PITPNM3: variants seen among roughly 807,000 people sequenced by gnomAD.
PITPNM3 encodes PITPNM family member 3.
A neutral mutation model predicts 102.0 loss-of-function variants in PITPNM3; 26 were observed. That is an observed-to-expected ratio of 0.25 (90% CI 0.19 to 0.35). PITPNM3 has a LOEUF of 0.35. Among genes scored for constraint, PITPNM3 ranks in the 10% least tolerant of loss-of-function variants. The pLI, the probability that PITPNM3 is intolerant of heterozygous loss-of-function variation, is 1.00. For missense variants in PITPNM3, 1,083 were observed against 1,346.1 expected, an observed-to-expected ratio of 0.80 and a Z score of 3.06; for synonymous variants, 578 against 558.6, an observed-to-expected ratio of 1.03 and a Z score of -0.49.
At position 6,548,623 on chromosome 17, in the gene PITPNM3, C is replaced by T. The variant is rs527485202; in HGVS notation, c.22+7762G>A. ...TCAATGGTGCATGAGTGACGGGCAG[C>T]CACAGACACTCAGACTCTCTGAAAG... On this transcript the variant is annotated intron_variant, in intron 1 of 19. Transcript: ENST00000262483. Among the ~76,000 whole-genome samples the T allele has an allele frequency of 2.6e-5, 4 of 152,134 alleles. No homozygotes were observed. In the East Asian group the frequency reaches 7.8e-4, roughly 30 times the overall value.
rs745815225 is a variant in PITPNM3 at position 6,468,144 on chromosome 17, T to C, written c.1890+81A>G. 19 of 1,355,926 alleles carry C rather than the reference T, an allele frequency of 1.4e-5. No homozygotes were observed. The highest frequency in any genetic ancestry group is 2.0e-5 in the Non-Finnish European group (19 of 951,336). 84.0% of individuals were successfully genotyped at this position (1,355,926 alleles called of 1,614,324 possible). ...GACAAATTGAAGCGCTTACCTCCCA[T>C]GTGGATGCCCCAGCCCCCGGGCCAG... On this transcript the variant is annotated intron_variant, in intron 14 of 19. Transcript: ENST00000262483. The surrounding 1 kb of genome is among the most constrained non-coding windows in gnomAD (Gnocchi z 5.2).
chr17:6,464,507 C>T, intron 15 of PITPNM3, 148 bp downstream of exon 15: 2 of 1,061,250 alleles, frequency 1.9e-6, no homozygotes, highest in East Asian at 2.5e-5. Context: ...CTTCCCGGCC[C>T]GCCCAAGCAG....
At chr17:6,485,310 C>T (rs1906020723) in intron 4 of PITPNM3, among the ~76,000 whole-genome samples, 1 of 151,890 alleles carries the variant, frequency 6.6e-6, no homozygotes, top group South Asian at 2.1e-4. Context: ...AGGTGTGTGC[C>T]ACCACACCTG....
chr17:6,457,574 C>T lies in PITPNM3; in HGVS notation c.2619+20G>A, dbSNP rs756688375. The T allele has an allele frequency of 7.4e-6, 12 of 1,611,308 alleles. No individual in the cohort carries two copies. Among genetic ancestry groups the T allele is most frequent in the Non-Finnish European group, 9.3e-6 (11 of 1,179,106 alleles). ...TGACCTCCCTCACAACTCCCCGCCT[C>T]CAGCCCCGCCTCCACCCACCTGGCA... On this transcript the variant is annotated intron_variant, in intron 19 of 19. Transcript: ENST00000262483. This position sits in a 1 kb window ranked among gnomAD's most constrained non-coding sequence, Gnocchi z 4.7.
chr17:6,519,636 C>T (rs1908398057), intron 3 of PITPNM3, among the ~76,000 whole-genome samples: 2 of 152,010 alleles, frequency 1.3e-5, no homozygotes, highest in South Asian at 2.1e-4. Context: ...TCGACACCAG[C>T]CTGGCCAACA....
chr17:6,508,917 G>A (rs556240390), intron 3 of PITPNM3, among the ~76,000 whole-genome samples: 3 of 152,286 alleles, frequency 2.0e-5, no homozygotes, highest in Admixed American at 6.5e-5. Context: ...AGGCTCCCAG[G>A]ACGAGGGTGA....
intron 3 of PITPNM3, among the ~76,000 whole-genome samples, chr17:6,506,963 T>C (rs1907555386): frequency 6.6e-6 from 1 of 152,234 alleles, no homozygotes; most frequent in African/African-American, 2.4e-5. Flanking sequence ...TGAGAGGTTT[T>C]TTCCCTCTGA....
At chr17:6,524,283 T>G (rs894599) in intron 3 of PITPNM3, among the ~76,000 whole-genome samples, 114,629 of 152,068 alleles carry the variant, frequency 0.75, 43,406 homozygotes, top group Middle Eastern at 0.83. Context: ...ACAGGAGCAA[T>G]AGAGGAAGGA....
chr17:6,555,755 T>C (rs1266119114), intron 1 of PITPNM3, among the ~76,000 whole-genome samples: 1 of 152,130 alleles, frequency 6.6e-6, no homozygotes, highest in Non-Finnish European at 1.5e-5. Flanking sequence ...AACCACAGGC[T>C]ACACCGTCTG....
chr17:6,455,383 C>G lies in PITPNM3; in HGVS notation c.2880G>C (p.Ala960=), dbSNP rs372678124. The change falls in exon 20 of 20, where the codon GCG becomes GCC. Residue 960 remains alanine, a synonymous_variant. Transcript: ENST00000262483. ...SDKDHERPLP[A]LSWARGPPKF... ...TGGGGGGCCCACGCGCCCAGCTGAGCGCCGGCAGCGGCCGCTCGTGGTCTT... is the reference window on the plus strand; with the variant it reads ...TGGGGGGCCCACGCGCCCAGCTGAGGGCCGGCAGCGGCCGCTCGTGGTCTT... 1.3e-6 allele frequency: 2 copies of G among 1,591,586 alleles called. No individual in the cohort carries two copies. Among genetic ancestry groups the G allele is most frequent in the East Asian group, 4.5e-5 (2 of 44,408 alleles).
chr17:6,546,580 C>T (rs1910029557), intron 1 of PITPNM3, among the ~76,000 whole-genome samples: 1 of 152,270 alleles, frequency 6.6e-6, no homozygotes, highest in South Asian at 2.1e-4. Context: ...AACCTGACCA[C>T]AGACCCAGCT....
intron 17 of PITPNM3, among the ~76,000 whole-genome samples, chr17:6,463,417 G>GGGAGGAAGGCAGGGAGGGAA (rs1904575416): frequency 2.6e-4 from 15 of 58,774 alleles, no homozygotes; most frequent in Non-Finnish European, 6.1e-4. Flanking sequence ...CACGAGTGCA[G>GGGAGGAAGGCAGGGAGGGAA]GGAGGGAGGC....
chr17:6,451,966 G>C lies in PITPNM3; in HGVS notation c.*3372C>G, dbSNP rs1913868777. 1 of 148,672 alleles carries C rather than the reference G, an allele frequency of 6.7e-6. No homozygotes were observed. Among genetic ancestry groups the C allele is most frequent in the African/African-American group, 2.5e-5 (1 of 40,286 alleles). The allele number at this position is 148,672 out of a possible 1,614,324, so 9.2% of individuals were successfully genotyped here. A position where few individuals can be genotyped will look rare whatever the true frequency, so the allele number is the denominator to read the frequency against. On this transcript the variant is annotated 3_prime_UTR_variant, in exon 20 of 20. Coordinates refer to ENST00000262483, the MANE Select transcript of PITPNM3 (RefSeq NM_031220.4). ...CCCTCCCGGGGCTGCACCTGGGCTA[G>C]GGGGGAGAGTGAGGATGCAGAGGAC... is the stretch of plus-strand genomic sequence containing the variant.
At position 6,503,555 on chromosome 17, in the gene PITPNM3, G is replaced by A. The variant is rs199808062; in HGVS notation, c.246C>T (p.Cys82=). The stretch of plus-strand genomic sequence containing the variant: ...GCTTCTCCTGGAGGATGCTGGATGT[G>A]CACGGCGCGGTCCCTTCTCCTGCAG... ...DEHQGEGTAP[C]TSSILQEKQR... Residue 82 remains cysteine, a synonymous_variant, in exon 4 of 20, where the codon TGC becomes TGT. Transcript: ENST00000262483. 7.4e-6 allele frequency: 12 copies of A among 1,611,814 alleles called. No homozygotes were observed. Among genetic ancestry groups the A allele is most frequent in the Non-Finnish European group, 1.0e-5 (12 of 1,180,000 alleles).
intron 9 of PITPNM3, 63 bp downstream of exon 9, chr17:6,476,966 G>C: frequency 1.3e-6 from 2 of 1,575,282 alleles, no homozygotes; most frequent in Non-Finnish European, 8.7e-7. Context: ...CATCTGACTG[G>C]TCACAGCCCT....
chr17:6,515,313 G>A (rs531473084), intron 3 of PITPNM3, among the ~76,000 whole-genome samples: 10 of 149,118 alleles, frequency 6.7e-5, no homozygotes, highest in Non-Finnish European at 1.5e-4. Context: ...TCAGAGAATC[G>A]CTTGAACCCG....
intron 2 of PITPNM3, among the ~76,000 whole-genome samples, chr17:6,528,479 CATGT>C (rs1908960790): frequency 1.3e-5 from 2 of 151,884 alleles, no homozygotes; most frequent in South Asian, 4.2e-4. Flanking sequence ...TGTGTGCATG[CATGT>C]GTGTGCATGC....
At chr17:6,534,603 T>A (rs1909312884) in intron 2 of PITPNM3, among the ~76,000 whole-genome samples, 1 of 151,926 alleles carries the variant, frequency 6.6e-6, no homozygotes, top group Non-Finnish European at 1.5e-5. Flanking sequence ...TGTGATCTGG[T>A]GGTGGTGGGG....
intron 1 of PITPNM3, among the ~76,000 whole-genome samples, chr17:6,550,047 G>A (rs1433374062): frequency 2.0e-5 from 3 of 152,204 alleles, no homozygotes; most frequent in South Asian, 2.1e-4. Context: ...GAGCAGTGTT[G>A]GAGCTGGAAA....
Sources: gnomAD v4.1 joint callset for allele counts (sites outside exome capture counted in the v4.1 genomes callset) on GRCh38, gnomAD v4.1.1 for gene constraint, Gnocchi (gnomAD v3.1) non-coding constraint, MANE v1.5 for transcripts, NCBI Gene and HGNC (gene_info 2026-07-23, HGNC 2026-07-21) for gene names.